Variants in RDH8 observed in about 807,000 individuals in gnomAD.
RDH8 encodes the protein retinol dehydrogenase 8, also known as photoreceptor outer segment all-trans retinol dehydrogenase.
In RDH8, 14 loss-of-function variants were observed where a neutral mutation model predicts 22.3. The observed-to-expected ratio is 0.63, with a 90% CI of 0.42 to 0.98. RDH8 has a LOEUF of 0.98. RDH8 is among the 50% of genes least tolerant of loss of function. The probability of loss-of-function intolerance (pLI) is 0.00; values close to 1 mark genes in which losing one functional copy is unlikely to be tolerated. For synonymous variants in RDH8, 175 were observed against 171.7 expected (o/e 1.02, Z -0.15); for missense variants, 389 against 409.8 (o/e 0.95, Z 0.44).
intron 1 of RDH8, among the ~76,000 whole-genome samples, chr19:10,014,843 A>G (rs571230510): frequency 3.3e-5 from 5 of 152,130 alleles, no homozygotes; most frequent in African/African-American, 7.2e-5. Flanking sequence ...GGCCTGCCCT[A>G]TTTTAGAAAT....
intron 2 of RDH8, 140 bp downstream of exon 2, chr19:10,017,355 A>G: frequency 1.2e-6 from 1 of 863,178 alleles, no homozygotes; most frequent in Non-Finnish European, 1.6e-6. Flanking sequence ...CCAGTTGGCC[A>G]AGAGGGGTAG....
chr19:10,019,351 G>A (rs184868976), intron 3 of RDH8, among the ~76,000 whole-genome samples: 1 of 152,018 alleles, frequency 6.6e-6, no homozygotes, highest in East Asian at 1.9e-4. Flanking sequence ...GTGTTCAGAA[G>A]GATTCTGAAG....
In RDH8 at chr19:10,017,198, GA is replaced by G. The variant is rs958659663; in HGVS notation, c.246del (p.Glu83LysfsTer6). The G allele has an allele frequency of 2.5e-6, 4 of 1,599,014 alleles. No individual in the cohort carries two copies. The highest frequency in any genetic ancestry group is 2.7e-5 in the African/African-American group (2 of 74,640). On this transcript the variant is annotated frameshift_variant, in exon 2 of 6. Transcript: ENST00000591589. LOFTEE classifies it high-confidence loss of function. ...SVAQCLSCIQ[G>X]EVDVLVNNAG... is the part of the protein sequence containing the mutation. ...GCCCAGTGTCTCAGCTGTATCCAGG[GA>G]GAAGTGGACGTGCTGGGTGAGACTT...
At position 10,020,764 on chromosome 19, in the gene RDH8, C is replaced by T. The variant is rs146669959; in HGVS notation, c.498C>T (p.Phe166=). 1.6e-4 allele frequency: 262 copies of T among 1,611,088 alleles called. 6 individuals carry two copies. In the South Asian group the frequency reaches 2.2e-3, roughly 14 times the overall value. ...CCAAGTTCGCCCTGGAGGGATTCTT[C>T]GAAAGCCTCGCTATCCAGCTGCTGC... The part of the protein sequence containing the change: ...AASKFALEGF[F]ESLAIQLLQF... The change falls in exon 4 of 6, where the codon TTC becomes TTT. Residue 166 remains phenylalanine, a synonymous_variant. Transcript: ENST00000591589.
At chr19:10,017,016 G>A (rs2087623619) in intron 1 of RDH8, 41 bp from the exon 2 acceptor site, 3 of 1,471,874 alleles carry the variant, frequency 2.0e-6, no homozygotes, top group Middle Eastern at 5.1e-4. Flanking sequence ...CAAGGGGAAA[G>A]GAGCTCAGTG....
At chr19:10,019,585 G>A (rs2087642944) in intron 3 of RDH8, among the ~76,000 whole-genome samples, 1 of 152,030 alleles carries the variant, frequency 6.6e-6, no homozygotes, top group Non-Finnish European at 1.5e-5. Flanking sequence ...GATTACCCAA[G>A]ATCAGGAGTT....
chr19:10,018,849 A>G lies in RDH8; in HGVS notation c.381A>G (p.Pro127=). The part of the protein sequence containing the change: ...GAVRLVKAVL[P]GMKRRRQGHI... ...TCCGTCTCGTCAAAGCTGTGCTTCC[A>G]GGCATGAAGAGGAGGCGGCAGGGCC... is the stretch of plus-strand genomic sequence containing the variant. Residue 127 remains proline (P), a synonymous_variant, in exon 3 of 6, where the codon CCA becomes CCG. Coordinates refer to ENST00000591589, the MANE Select transcript of RDH8 (RefSeq NM_015725.4). 6.2e-7 allele frequency: 1 copy of G among 1,613,788 alleles called. No individual in the cohort carries two copies. The highest frequency in any genetic ancestry group is 8.5e-7 in the Non-Finnish European group (1 of 1,179,816).
At chr19:10,014,424 T>C (rs886324608) in intron 1 of RDH8, among the ~76,000 whole-genome samples, 1 of 152,210 alleles carries the variant, frequency 6.6e-6, no homozygotes, top group African/African-American at 2.4e-5. Context: ...CTAATGTTTA[T>C]GGAGCTTTTA....
At chr19:10,020,012 G>T (rs1454997961) in intron 3 of RDH8, among the ~76,000 whole-genome samples, 3 of 150,528 alleles carry the variant, frequency 2.0e-5, no homozygotes, top group African/African-American at 4.9e-5. Flanking sequence ...GTGGTGGTGT[G>T]CACCTGTAGT....
intron 4 of RDH8, 110 bp downstream of exon 4, chr19:10,020,912 C>T: frequency 1.2e-6 from 1 of 808,048 alleles, no homozygotes; most frequent in Non-Finnish European, 2.0e-6. Context: ...TGGCTCACAC[C>T]TGTAAGTCCA....
chr19:10,021,034 G>A (rs1465959708), intron 4 of RDH8: 2 of 625,940 alleles, frequency 3.2e-6, no homozygotes, highest in Non-Finnish European at 5.6e-6. Flanking sequence ...TTAGCCAAGG[G>A]TGGTGGTGTG....
At chr19:10,018,575 T>A (rs1416598127) in intron 2 of RDH8, among the ~76,000 whole-genome samples, 156 bp from the exon 3 acceptor site, 4 of 152,092 alleles carry the variant, frequency 2.6e-5, no homozygotes, top group South Asian at 4.1e-4. Context: ...TGCTAAACTG[T>A]GTTTAAAGGT....
chr19:10,013,655 C>G, intron 1 of RDH8, 55 bp downstream of exon 1: 1 of 1,584,696 alleles, frequency 6.3e-7, no homozygotes, highest in Non-Finnish European at 8.6e-7. Flanking sequence ...GCTTCCCCAG[C>G]ACTGTCTCCC....
Position 10,021,603 on chromosome 19 carries a change from C to A in RDH8, c.790C>A (p.Leu264Met). The change falls in exon 6 of 6, where the codon CTG (leucine) becomes ATG (methionine). Residue 264 changes from leucine to methionine, a missense_variant. By Grantham distance (15) the Leu-to-Met change is conservative. Transcript: ENST00000591589. ...RRQTNIRYSPLTTLKTVDSSG... is the reference protein window; with the variant it reads ...RRQTNIRYSPMTTLKTVDSSG... ...ACAGACCAACATCCGCTACTCGCCG[C>A]TGACCACGCTCAAAACCGTGGATTC... 1 of 1,614,116 alleles carries A rather than the reference C, an allele frequency of 6.2e-7. No homozygotes were observed. Among genetic ancestry groups the A allele is most frequent in the Non-Finnish European group, 8.5e-7 (1 of 1,179,958 alleles).
At chr19:10,021,196 A>G in intron 4 of RDH8, 59 bp from the exon 5 acceptor site, 1 of 1,541,520 alleles carries the variant, frequency 6.5e-7, no homozygotes, top group Non-Finnish European at 8.8e-7. Context: ...AAAAATGGAC[A>G]AAATAGGTCA....
In RDH8 at chr19:10,021,296, AG is replaced by A. The variant is rs2087656749; in HGVS notation, c.582del (p.Lys195SerfsTer70). 2 of 1,613,806 alleles carry A rather than the reference AG, an allele frequency of 1.2e-6. No homozygotes were observed. The highest frequency in any genetic ancestry group is 2.7e-5 in the African/African-American group (2 of 74,816). On this transcript the variant is annotated frameshift_variant, in exon 5 of 6. Coordinates refer to ENST00000591589, the MANE Select transcript of RDH8 (RefSeq NM_015725.4). LOFTEE classifies it high-confidence loss of function. Reference protein sequence around the residue: ...VEPGPVVTEFEGKLLAQVSMA... With the variant: ...VEPGPVVTEFXGKLLAQVSMA... ...CCAGGCCCCGTGGTCACCGAGTTTG[AG>A]GGGAAGCTTCTGGCGCAGGTTTCTA...
intron 2 of RDH8, among the ~76,000 whole-genome samples, chr19:10,017,681 T>C (rs2087629632): frequency 6.6e-6 from 1 of 152,062 alleles, no homozygotes; most frequent in South Asian, 2.1e-4. Flanking sequence ...GGAGTCTTGC[T>C]CTGCGCCCAG....
rs776534024 is a variant in RDH8 at position 10,018,753 on chromosome 19, G to C, written c.285G>C (p.Leu95=). 6.2e-7 allele frequency: 1 copy of C among 1,611,530 alleles called. No homozygotes were observed. Among genetic ancestry groups the C allele is most frequent in the South Asian group, 1.1e-5 (1 of 90,698 alleles). Residue 95 remains leucine, a synonymous_variant, in exon 3 of 6, where the codon CTG becomes CTC. Transcript: ENST00000591589. ...DVLVNNAGMG[L]VGPLEGLSLA... Reference sequence around the variant, plus strand: ...TAGTGAATAATGCTGGAATGGGCCTGGTGGGGCCCCTGGAGGGGCTCAGCC... The same window carrying C: ...TAGTGAATAATGCTGGAATGGGCCTCGTGGGGCCCCTGGAGGGGCTCAGCC...
In RDH8 at chr19:10,017,198, G is replaced by C. The variant is rs577687007; in HGVS notation, c.245G>C (p.Gly82Ala). The change falls in exon 2 of 6, where the codon GGA (glycine) becomes GCA (alanine). Residue 82 changes from glycine (G) to alanine (A), a missense_variant. Physicochemically the swap from Gly to Ala is moderately conservative, Grantham distance 60. Transcript: ENST00000591589. Reference sequence around the variant, plus strand: ...GCCCAGTGTCTCAGCTGTATCCAGGGAGAAGTGGACGTGCTGGGTGAGACT... The same window carrying C: ...GCCCAGTGTCTCAGCTGTATCCAGGCAGAAGTGGACGTGCTGGGTGAGACT... ...SVAQCLSCIQ[G>A]EVDVLVNNAG... 2.6e-5 allele frequency: 41 copies of C among 1,599,132 alleles called. No individual in the cohort carries two copies. In the Middle Eastern group the frequency reaches 8.3e-4, roughly 33 times the overall value.
Sources: allele counts gnomAD v4.1 joint callset (sites outside exome capture counted in the v4.1 genomes callset), GRCh38; gene constraint gnomAD v4.1.1; transcripts MANE v1.5; gene names NCBI Gene and HGNC (gene_info 2026-07-23, HGNC 2026-07-21).